DNASE1: variants seen among roughly 807,000 people sequenced by gnomAD.
DNASE1 encodes deoxyribonuclease 1.
A neutral mutation model predicts 33.9 loss-of-function variants in DNASE1; 40 were observed. The ratio of observed to expected loss-of-function variants is 1.18; its 90% confidence interval spans 0.92 to 1.54. The LOEUF is 1.54. DNASE1 is among the 40% of genes most tolerant of loss of function. DNASE1 has a pLI of 0.00. For missense variants in DNASE1, 518 were observed against 372.6 expected (o/e 1.39, Z -3.21); for synonymous variants, 216 against 160.0 (o/e 1.35, Z -2.64).
intron 1 of DNASE1, 44 bp downstream of exon 1, chr16:3,655,088 A>C (rs2042506134): frequency 1.7e-6 from 1 of 590,672 alleles, no homozygotes; most frequent in Non-Finnish European, 3.0e-6. Flanking sequence ...GCCGGTTTGG[A>C]GCAGGGAGGG....
upstream of DNASE1, among the ~76,000 whole-genome samples, chr16:3,638,580 C>T (rs986073524): frequency 1.3e-4 from 20 of 152,274 alleles, no homozygotes; most frequent in Middle Eastern, 3.4e-3. Flanking sequence ...CCTCGTGATC[C>T]GCCTGCCTCG....
Position 3,623,513 on chromosome 16 carries a change from G to A in DNASE1, c.-1359+11507G>A, listed in dbSNP as rs78299524. ...AATTAAATGAAAACACTTCTACACA[G>A]CAAAAGAAATAACAGAGTAAATAGA... On this transcript the variant is annotated intron_variant and NMD_transcript_variant, in intron 1 of 11. Transcript: ENST00000570769. Among the ~76,000 whole-genome samples, 366 of 152,156 alleles carry A rather than the reference G, an allele frequency of 2.4e-3. 6 individuals carry two copies. In the East Asian group the frequency reaches 0.063, roughly 26 times the overall value.
At chr16:3,627,937 CAA>C (rs55920324) in intron 1 of DNASE1, among the ~76,000 whole-genome samples, 114 of 80,376 alleles carry the variant, frequency 1.4e-3, no homozygotes, top group East Asian at 3.6e-3. Context: ...TCTATTTCTG[CAA>C]AAAAAAAAAA....
intron 1 of DNASE1, among the ~76,000 whole-genome samples, chr16:3,618,542 C>A (rs2041188871): frequency 6.6e-6 from 1 of 152,104 alleles, no homozygotes; most frequent in Non-Finnish European, 1.5e-5. Flanking sequence ...CCAGCTTGGC[C>A]AATATGGTGA....
At chr16:3,659,060 G>C (rs2042909543), downstream of DNASE1, 2 of 590,850 alleles carry the variant, frequency 3.4e-6, no homozygotes, top group Admixed American at 3.4e-5. Flanking sequence ...AGGAGTGTCA[G>C]TATTAGAAAA....
upstream of DNASE1, chr16:3,653,831 A>C (rs1382936128): frequency 5.4e-5 from 8 of 147,282 alleles, no homozygotes; most frequent in South Asian, 2.1e-4. Flanking sequence ...AAAAAAAAAA[A>C]AAAAAAAAAA....
At chr16:3,639,470 G>A (rs1162265371), upstream of DNASE1, among the ~76,000 whole-genome samples, 2 of 152,178 alleles carry the variant, frequency 1.3e-5, no homozygotes, top group Non-Finnish European at 2.9e-5. Flanking sequence ...GTCCTCGCAC[G>A]TGGTTCTTGG....
rs2042533603 is a variant in DNASE1 at position 3,655,382 on chromosome 16, C to T, written c.9C>T (p.Gly3=). Reference sequence around the variant, plus strand: ...CCCTGTGCTCTCCCAGGATGAGGGGCATGAAGCTGCTGGGGGCGCTGCTGG... The same window carrying T: ...CCCTGTGCTCTCCCAGGATGAGGGGTATGAAGCTGCTGGGGGCGCTGCTGG... The part of the protein sequence containing the change: MR[G]MKLLGALLAL... The change falls in exon 2 of 9, where the codon GGC becomes GGT. Residue 3 remains glycine, a synonymous_variant. Transcript: ENST00000246949. 2 of 1,614,176 alleles carry T rather than the reference C, an allele frequency of 1.2e-6. No homozygotes were observed. Among genetic ancestry groups the T allele is most frequent in the Non-Finnish European group, 8.5e-7 (1 of 1,180,038 alleles).
At chr16:3,628,659 C>T (rs542342849) in intron 1 of DNASE1, among the ~76,000 whole-genome samples, 80 of 151,316 alleles carry the variant, frequency 5.3e-4, no homozygotes, top group African/African-American at 1.9e-3. Context: ...CCCGGGTTCA[C>T]GCCATTCTTC....
chr16:3,620,580 T>C (rs1466507095), intron 1 of DNASE1, among the ~76,000 whole-genome samples: 3 of 152,026 alleles, frequency 2.0e-5, no homozygotes, highest in Admixed American at 6.6e-5. Context: ...TCTAAGTCAG[T>C]AGATAGGAAG....
intron 1 of DNASE1, among the ~76,000 whole-genome samples, chr16:3,613,178 C>T (rs866347398): frequency 2.0e-4 from 31 of 152,104 alleles, no homozygotes; most frequent in African/African-American, 7.0e-4. Flanking sequence ...TATCGGCTTT[C>T]TGTCTCTGTG....
chr16:3,662,224 C>T (rs965499491), downstream of DNASE1: 36 of 1,489,506 alleles, frequency 2.4e-5, no homozygotes, highest in South Asian at 7.8e-5. Flanking sequence ...ACCCAGACCA[C>T]GAGGTAGCAG....
exon 10 of DNASE1, chr16:3,663,515 A>C (rs773432445): frequency 6.2e-7 from 1 of 1,614,036 alleles, no homozygotes; most frequent in Non-Finnish European, 8.5e-7. Flanking sequence ...CAAACTCACG[A>C]AGGTGCAGCA....
chr16:3,637,440 G>A (rs2041903553), intron 1 of DNASE1, among the ~76,000 whole-genome samples: 1 of 152,092 alleles, frequency 6.6e-6, no homozygotes, highest in Non-Finnish European at 1.5e-5. Context: ...CTGTGCCCCT[G>A]GCCTGTGACT....
At chr16:3,646,551 C>T (rs2042177524) in intron 1 of DNASE1, among the ~76,000 whole-genome samples, 1 of 151,994 alleles carries the variant, frequency 6.6e-6, no homozygotes, top group African/African-American at 2.4e-5. Context: ...TAAGCTGAAA[C>T]TGGAATGACA....
intron 1 of DNASE1, among the ~76,000 whole-genome samples, chr16:3,646,215 G>A (rs80268144): frequency 6.6e-6 from 1 of 151,498 alleles, no homozygotes; most frequent in Non-Finnish European, 1.5e-5. Flanking sequence ...GTTTTTCTCT[G>A]GGGGGGGTCT....
chr16:3,614,964 A>T (rs530090946), intron 1 of DNASE1, among the ~76,000 whole-genome samples: 1 of 152,216 alleles, frequency 6.6e-6, no homozygotes, highest in Admixed American at 6.5e-5. Flanking sequence ...CCAACCCCAA[A>T]TCTGGCTATA....
At chr16:3,640,192 A>G (rs1402222336), upstream of DNASE1, among the ~76,000 whole-genome samples, 8 of 152,198 alleles carry the variant, frequency 5.3e-5, no homozygotes, top group Non-Finnish European at 5.9e-5. Flanking sequence ...TTTGTTTGCT[A>G]CTTCCTCAGG....
chr16:3,621,251 G>A (rs946254044), intron 1 of DNASE1, among the ~76,000 whole-genome samples: 2 of 151,904 alleles, frequency 1.3e-5, no homozygotes, highest in African/African-American at 2.4e-5. Context: ...ACACCCAACT[G>A]ACTTTTAAAA....
Sources: gnomAD v4.1 joint callset for allele counts (sites outside exome capture counted in the v4.1 genomes callset) on GRCh38, gnomAD v4.1.1 for gene constraint, MANE v1.5 for transcripts, NCBI Gene and HGNC (gene_info 2026-07-23, HGNC 2026-07-21) for gene names.